EML5: variants seen among roughly 807,000 people sequenced by gnomAD.
The protein encoded by EML5 is echinoderm microtubule-associated protein-like 5.
EML5 carries 120 observed loss-of-function variants against 250.0 expected under a neutral mutation model. The observed-to-expected ratio is 0.48, with a 90% CI of 0.41 to 0.56. The LOEUF (loss-of-function observed/expected upper bound fraction) is 0.56, where lower values mean the gene tolerates loss of function less well. Among genes scored for constraint, EML5 ranks in the 20% least tolerant of loss-of-function variants. The probability of loss-of-function intolerance (pLI) is 0.00; values close to 1 mark genes in which losing one functional copy is unlikely to be tolerated. For synonymous variants in EML5, 771 were observed against 806.5 expected (o/e 0.96, Z 0.75); for missense variants, 2,006 against 2,437.6 (o/e 0.82, Z 3.73).
At chr14:88,662,353 T>TTG (rs1555430026) in intron 24 of EML5, among the ~76,000 whole-genome samples, 7 of 142,280 alleles carry the variant, frequency 4.9e-5, no homozygotes. Context: ...TTTTTTTTTT[T>TTG]TTTTTTTTTT....
At chr14:88,719,392 T>C (rs2093555135) in intron 8 of EML5, among the ~76,000 whole-genome samples, 1 of 152,154 alleles carries the variant, frequency 6.6e-6, no homozygotes. Flanking sequence ...TCTCAATCAA[T>C]AAATAAAATG....
At chr14:88,749,412 A>G (rs549456491) in intron 2 of EML5, among the ~76,000 whole-genome samples, 104 of 152,272 alleles carry the variant, frequency 6.8e-4, no homozygotes, top group African/African-American at 2.5e-3. Context: ...TCATCAGTAA[A>G]CCTGCACTAC....
chr14:88,669,058 C>T (rs1309600141), intron 21 of EML5, among the ~76,000 whole-genome samples: 1 of 152,164 alleles, frequency 6.6e-6, no homozygotes, highest in African/African-American at 2.4e-5. Context: ...TGACAGCCCA[C>T]CTGGGAGCTG....
At chr14:88,662,089 TTAA>T (rs915762931) in intron 24 of EML5, among the ~76,000 whole-genome samples, 1 of 152,094 alleles carries the variant, frequency 6.6e-6, no homozygotes, top group African/African-American at 2.4e-5. Flanking sequence ...GCATACAGTG[TTAA>T]TAATAAAACC....
At chr14:88,618,928 G>T in intron 39 of EML5, 116 bp from the exon 40 acceptor site, 1 of 983,518 alleles carries the variant, frequency 1.0e-6, no homozygotes, top group Non-Finnish European at 1.4e-6. Context: ...GCCTCAAATA[G>T]ATTTACCTGT....
chr14:88,784,561 T>C (rs1318598678), intron 1 of EML5, among the ~76,000 whole-genome samples: 1 of 152,068 alleles, frequency 6.6e-6, no homozygotes, highest in Non-Finnish European at 1.5e-5. Flanking sequence ...TTCCTAGACA[T>C]ATACAACCTA....
At chr14:88,775,945 G>C (rs1448918441) in intron 1 of EML5, among the ~76,000 whole-genome samples, 1 of 152,182 alleles carries the variant, frequency 6.6e-6, no homozygotes, top group East Asian at 1.9e-4. Flanking sequence ...TTGGGAGAAA[G>C]TAAGAGAAAT....
chr14:88,630,221 G>A (rs1042321621), intron 33 of EML5, among the ~76,000 whole-genome samples: 1 of 151,466 alleles, frequency 6.6e-6, no homozygotes, highest in African/African-American at 2.4e-5. Context: ...GTAGAGATGG[G>A]GTTTCTCCAT....
intron 21 of EML5, among the ~76,000 whole-genome samples, chr14:88,668,674 A>G (rs1240302945): frequency 1.3e-5 from 2 of 152,208 alleles, no homozygotes; most frequent in African/African-American, 4.8e-5. Context: ...GTCAATTATC[A>G]CAGTTCCCTG....
rs186951591 is a variant in EML5 at position 88,742,722 on chromosome 14, T to A, written c.525+1301A>T. Among the ~76,000 whole-genome samples the A allele has an allele frequency of 3.0e-3, 459 of 152,280 alleles. 1 individual carries two copies. The highest frequency in any genetic ancestry group is 5.1e-3 in the Non-Finnish European group (349 of 67,980). On this transcript the variant is annotated intron_variant, in intron 4 of 43. Coordinates refer to ENST00000554922, the MANE Select transcript of EML5 (RefSeq NM_183387.3). ...AAATACCTTCACAGTGCTTATATCA[T>A]GTGCCTTAAAGCCCAGCATACAGCC...
At chr14:88,656,665 C>T (rs2091884620) in intron 27 of EML5, among the ~76,000 whole-genome samples, 1 of 152,064 alleles carries the variant, frequency 6.6e-6, no homozygotes, top group South Asian at 2.1e-4. Flanking sequence ...TATGTCCTTA[C>T]TTTTTTATTT....
At chr14:88,662,979 CT>C in intron 24 of EML5, 51 bp downstream of exon 24, 1 of 1,366,258 alleles carries the variant, frequency 7.3e-7, no homozygotes, top group Non-Finnish European at 1.0e-6. Context: ...TATCAGTTTT[CT>C]AGCCACTTTT....
At chr14:88,760,434 T>G (rs577141501) in intron 1 of EML5, among the ~76,000 whole-genome samples, 3 of 152,106 alleles carry the variant, frequency 2.0e-5, no homozygotes, top group Non-Finnish European at 4.4e-5. Context: ...CTCCATTGAC[T>G]TCCCCAAGCA....
At chr14:88,756,429 A>G (rs1161277284) in intron 1 of EML5, among the ~76,000 whole-genome samples, 3 of 152,132 alleles carry the variant, frequency 2.0e-5, no homozygotes, top group African/African-American at 7.2e-5. Context: ...AAGCAATCCC[A>G]CTAAGTAAAG....
intron 1 of EML5, among the ~76,000 whole-genome samples, chr14:88,774,316 A>G (rs2094427112): frequency 6.6e-6 from 1 of 152,174 alleles, no homozygotes; most frequent in South Asian, 2.1e-4. Context: ...GCTGCCAGCT[A>G]TGTGTCATTT....
At position 88,627,053 on chromosome 14, in the gene EML5, A is replaced by G. The variant is rs1327606000; in HGVS notation, c.4532-7T>C. The stretch of plus-strand genomic sequence containing the variant: ...CTGCTGGCAATTTTGGCACCTGACA[A>G]GATACAACAAAATTATCTAGGTTAT... On this transcript the variant is annotated splice_polypyrimidine_tract_variant and splice_region_variant and intron_variant, in intron 34 of 43. Transcript: ENST00000554922. 6 of 1,613,528 alleles carry G rather than the reference A, an allele frequency of 3.7e-6. No individual in the cohort carries two copies. Among genetic ancestry groups the G allele is most frequent in the African/African-American group, 1.3e-5 (1 of 75,034 alleles).
At chr14:88,766,412 G>A (rs1166259354) in intron 1 of EML5, among the ~76,000 whole-genome samples, 5 of 152,224 alleles carry the variant, frequency 3.3e-5, no homozygotes, top group South Asian at 4.2e-4. Context: ...TAAAATGGCC[G>A]CTTTGGGAAT....
chr14:88,729,877 T>G (rs576532016), intron 7 of EML5, among the ~76,000 whole-genome samples: 2 of 151,756 alleles, frequency 1.3e-5, no homozygotes, highest in Admixed American at 6.6e-5. Context: ...TTTGTTTTTT[T>G]TTTTTGTTTT....
At chr14:88,741,407 T>C (rs895379387) in intron 4 of EML5, among the ~76,000 whole-genome samples, 1 of 152,172 alleles carries the variant, frequency 6.6e-6, no homozygotes, top group Non-Finnish European at 1.5e-5. Flanking sequence ...AAAAATAAGA[T>C]AGATGTCCAT....
Sources: allele counts gnomAD v4.1 joint callset (sites outside exome capture counted in the v4.1 genomes callset), GRCh38; gene constraint gnomAD v4.1.1; transcripts MANE v1.5; gene names NCBI Gene and HGNC (gene_info 2026-07-23, HGNC 2026-07-21).